Variants in CCDC8 observed in about 807,000 individuals in gnomAD.
The protein encoded by CCDC8 is coiled-coil domain-containing protein 8.
CCDC8 carries 6 observed loss-of-function variants against 5.2 expected under a neutral mutation model. The ratio of observed to expected loss-of-function variants is 1.16; its 90% CI spans 0.63 to 2.28. The LOEUF (loss-of-function observed/expected upper bound fraction) is 2.28. Ranked by LOEUF, CCDC8 falls within the 30% of genes most tolerant of loss-of-function variation. The pLI is 0.00. For missense variants in CCDC8, 724 were observed against 712.2 expected (o/e 1.02, Z -0.19); for synonymous variants, 310 against 286.5 (o/e 1.08, Z -0.83).
chr19:46,412,484 G>A lies in CCDC8; in HGVS notation c.327C>T (p.Asp109=), dbSNP rs1568589918. 10 of 1,609,090 alleles carry A rather than the reference G, an allele frequency of 6.2e-6. No homozygotes were observed. Among genetic ancestry groups the A allele is most frequent in the Non-Finnish European group, 6.8e-6 (8 of 1,179,978 alleles). The change falls in exon 1 of 1, where the codon GAC becomes GAT. Residue 109 remains aspartate (D), a synonymous_variant. Coordinates refer to ENST00000307522, the MANE Select transcript of CCDC8 (RefSeq NM_032040.5). This position sits in a 1 kb window ranked among gnomAD's most constrained non-coding sequence, Gnocchi z 4.7. The part of the protein sequence containing the change: ...SSNASDSEFS[D]FETSRDKSRQ... ...GGCTCTTGTCTCTGGAGGTCTCGAA[G>A]TCGCTGAACTCGCTGTCGCTGGCGT...
Position 46,412,596 on chromosome 19 carries a change from T to C in CCDC8, c.215A>G (p.Lys72Arg). 6.2e-7 allele frequency: 1 copy of C among 1,603,106 alleles called. No individual in the cohort carries two copies. Among genetic ancestry groups the C allele is most frequent in the South Asian group, 1.1e-5 (1 of 90,538 alleles). ...STPHPPQPPKKPKEPRVRRRV... is the reference protein window; with the variant it reads ...STPHPPQPPKRPKEPRVRRRV... ...CCTCCTCACTCGGGGCTCCTTGGGC[T>C]TTTTGGGGGGCTGGGGCGGGTGCGG... The change falls in exon 1 of 1, where the codon AAG becomes AGG. Residue 72 changes from lysine to arginine, a missense_variant. Lys to Arg is a conservative substitution (Grantham distance 26). Transcript: ENST00000307522. The surrounding 1 kb of genome is among the most constrained non-coding windows in gnomAD (Gnocchi z 4.7).
At position 46,412,701 on chromosome 19, in the gene CCDC8, A is replaced by C. The variant is rs1973250064; in HGVS notation, c.110T>G (p.Phe37Cys). The change falls in exon 1 of 1, where the codon TTT becomes TGT. Residue 37 changes from phenylalanine (F) to cysteine (C), a missense_variant. By Grantham distance (205) the Phe-to-Cys change is radical. Coordinates refer to ENST00000307522, the MANE Select transcript of CCDC8 (RefSeq NM_032040.5). The surrounding 1 kb of genome is among the most constrained non-coding windows in gnomAD (Gnocchi z 4.7). ...ISKPATKEAE[F>C]RERLTQFLEE... ...CAGGAACTGGGTCAGCCGCTCCCGA[A>C]ATTCTGCTTCCTTGGTGGCGGGCTT... 1 of 1,612,626 alleles carries C rather than the reference A, an allele frequency of 6.2e-7. No homozygotes were observed. Among genetic ancestry groups the C allele is most frequent in the South Asian group, 1.1e-5 (1 of 91,068 alleles).
Position 46,413,100 on chromosome 19 carries a change from G to A in CCDC8, c.-290C>T. The A allele has an allele frequency of 2.0e-6, 1 of 508,130 alleles. No homozygotes were observed. The highest frequency in any genetic ancestry group is 2.3e-5 in the South Asian group (1 of 43,028). 31.5% of individuals were successfully genotyped at this position (508,130 alleles called of 1,614,324 possible). A position where few individuals can be genotyped will look rare whatever the true frequency, so the allele number is the denominator to read the frequency against. ...GTCTTGAGGGAGGGACTGGATGGGG[G>A]GAGTTCCAGCAACGCTGACCGGAGA... On this transcript the variant is annotated 5_prime_UTR_variant, in exon 1 of 1. Coordinates refer to ENST00000307522, the MANE Select transcript of CCDC8 (RefSeq NM_032040.5).
chr19:46,411,891 GCC>G lies in CCDC8; in HGVS notation c.918_919del (p.Glu306AspfsTer4), dbSNP rs745644158. 5.0e-6 allele frequency: 8 copies of G among 1,613,762 alleles called. No individual in the cohort carries two copies. The South Asian group carries it at 8.8e-5, about 18-fold the overall frequency. On this transcript the variant is annotated frameshift_variant, in exon 1 of 1. Transcript: ENST00000307522. LOFTEE classifies it low-confidence loss of function (END_TRUNC). ...AGCCCCTTCCCGCTGGTCAGCTATG[GCC>G]TCTTCCCTTTGACTATCTGCAGCCT...
Position 46,412,129 on chromosome 19 carries a change from AG to A in CCDC8, c.681del (p.Ser228ProfsTer81). The A allele has an allele frequency of 1.3e-6, 2 of 1,598,540 alleles. No individual in the cohort carries two copies. The highest frequency in any genetic ancestry group is 8.5e-7 in the Non-Finnish European group (1 of 1,179,668). ...AGPGVGEARL[A>X]STAVESAGVS... is the part of the protein sequence containing the mutation. ...ACCCCTGCGCTCTCCACTGCGGTGG[AG>A]GCCAGCCGGGCCTCGCCCACCCCGG... On this transcript the variant is annotated frameshift_variant, in exon 1 of 1. Transcript: ENST00000307522. LOFTEE classifies it low-confidence loss of function (END_TRUNC). This position sits in a 1 kb window ranked among gnomAD's most constrained non-coding sequence, Gnocchi z 4.7.
chr19:46,410,993 G>A lies in CCDC8; in HGVS notation c.*201C>T. 1 of 630,136 alleles carries A rather than the reference G, an allele frequency of 1.6e-6. No homozygotes were observed. The highest frequency in any genetic ancestry group is 2.7e-6 in the Non-Finnish European group (1 of 370,476). The allele number at this position is 630,136 out of a possible 1,614,324, so 39.0% of individuals were successfully genotyped here. A position where few individuals can be genotyped will look rare whatever the true frequency, so the allele number is the denominator to read the frequency against. The stretch of plus-strand genomic sequence containing the variant: ...GTTATGATCATGCCACTGCACTCCA[G>A]CCTGGGCAACAGAGTGAGACCCTGT... On this transcript the variant is annotated 3_prime_UTR_variant, in exon 1 of 1. Transcript: ENST00000307522.
rs756376020 is a variant in CCDC8 at position 46,412,723 on chromosome 19, G to C, written c.88C>G (p.Pro30Ala). ...AGGVWRVISK[P>A]ATKEAEFRER... is the part of the protein sequence containing the mutation. ...CGAAATTCTGCTTCCTTGGTGGCGGGCTTAGAGATGACTCTCCAGACGCCC... is the reference window on the plus strand; with the variant it reads ...CGAAATTCTGCTTCCTTGGTGGCGGCCTTAGAGATGACTCTCCAGACGCCC... Residue 30 changes from proline (P) to alanine (A), a missense_variant, in exon 1 of 1, where the codon CCC becomes GCC. Coordinates refer to ENST00000307522, the MANE Select transcript of CCDC8 (RefSeq NM_032040.5). The surrounding 1 kb of genome is among the most constrained non-coding windows in gnomAD (Gnocchi z 4.7). 1 of 1,613,516 alleles carries C rather than the reference G, an allele frequency of 6.2e-7. No homozygotes were observed. The highest frequency in any genetic ancestry group is 8.5e-7 in the Non-Finnish European group (1 of 1,179,996).
chr19:46,412,341 A>T lies in CCDC8; in HGVS notation c.470T>A (p.Leu157His), dbSNP rs1973243831. Residue 157 changes from leucine to histidine, a missense_variant, in exon 1 of 1, where the codon CTC becomes CAC. Leu to His is a moderately conservative substitution (Grantham distance 99). Transcript: ENST00000307522. This position sits in a 1 kb window ranked among gnomAD's most constrained non-coding sequence, Gnocchi z 4.7. ...GCTGGGCTGCTTCTCCTGTCGCCGG[A>T]GGAAGGCCTCGACCAGTTCCTCATC... ...EDDEELVEAF[L>H]RRQEKQPSAP... 1 of 1,613,056 alleles carries T rather than the reference A, an allele frequency of 6.2e-7. No homozygotes were observed. Among genetic ancestry groups the T allele is most frequent in the Admixed American group, 1.7e-5 (1 of 60,002 alleles).
chr19:46,410,807 G>T lies in CCDC8; in HGVS notation c.*387C>A, dbSNP rs1415034516. 5.5e-6 allele frequency: 1 copy of T among 183,166 alleles called. No homozygotes were observed. Among genetic ancestry groups the T allele is most frequent in the African/African-American group, 2.4e-5 (1 of 41,962 alleles). 11.3% of individuals were successfully genotyped at this position (183,166 alleles called of 1,614,324 possible). On this transcript the variant is annotated 3_prime_UTR_variant, in exon 1 of 1. Coordinates refer to ENST00000307522, the MANE Select transcript of CCDC8 (RefSeq NM_032040.5). Reference sequence around the variant, plus strand: ...AAACTATAGGTGACGCAACCCCATTGTGTCGAATTCTTTCTTTACATTTTT... The same window carrying T: ...AAACTATAGGTGACGCAACCCCATTTTGTCGAATTCTTTCTTTACATTTTT...
rs1897897326 is a variant in CCDC8 at position 46,411,611 on chromosome 19, C to T, written c.1200G>A (p.Gly400=). The T allele has an allele frequency of 6.2e-7, 1 of 1,613,852 alleles. No homozygotes were observed. The highest frequency in any genetic ancestry group is 1.3e-5 in the African/African-American group (1 of 74,998). Residue 400 remains glycine (G), a synonymous_variant, in exon 1 of 1, where the codon GGG becomes GGA. Coordinates refer to ENST00000307522, the MANE Select transcript of CCDC8 (RefSeq NM_032040.5). ...CCCTTTGATTATCTGTAACCTCTGA[C>T]CCCTGGTCAGCTGGGGCCTCCGCCC... ...NQRAEAPADQ[G]SEVTDNQREE...
In CCDC8 at chr19:46,412,441, C is replaced by T; in HGVS notation, c.370G>A (p.Gly124Ser). ...RDKSRQGPRRGKKVRKMPVSY... is the reference protein window; with the variant it reads ...RDKSRQGPRRSKKVRKMPVSY... ...ACGGGCATTTTGCGCACCTTCTTGCCCCGCCGCGGGCCCTGGCGGCTCTTG... is the reference window on the plus strand; with the variant it reads ...ACGGGCATTTTGCGCACCTTCTTGCTCCGCCGCGGGCCCTGGCGGCTCTTG... Residue 124 changes from glycine (G) to serine (S), a missense_variant, in exon 1 of 1, where the codon GGC (glycine) becomes AGC (serine). Gly to Ser is a moderately conservative substitution (Grantham distance 56). Coordinates refer to ENST00000307522, the MANE Select transcript of CCDC8 (RefSeq NM_032040.5). This position sits in a 1 kb window ranked among gnomAD's most constrained non-coding sequence, Gnocchi z 4.7. 4 of 1,612,200 alleles carry T rather than the reference C, an allele frequency of 2.5e-6. No homozygotes were observed. Among genetic ancestry groups the T allele is most frequent in the African/African-American group, 2.7e-5 (2 of 75,020 alleles).
Position 46,411,597 on chromosome 19 carries a change from T to A in CCDC8, c.1214A>T (p.Asp405Val). 1 of 1,613,668 alleles carries A rather than the reference T, an allele frequency of 6.2e-7. No individual in the cohort carries two copies. The highest frequency in any genetic ancestry group is 8.5e-7 in the Non-Finnish European group (1 of 1,179,956). ...APADQGSEVTDNQREEAVHDQ... is the reference protein window; with the variant it reads ...APADQGSEVTVNQREEAVHDQ... ...ATGTACGGCCTCTTCCCTTTGATTA[T>A]CTGTAACCTCTGACCCCTGGTCAGC... is the stretch of plus-strand genomic sequence containing the variant. Residue 405 changes from aspartate to valine, a missense_variant, in exon 1 of 1, where the codon GAT becomes GTT. Physicochemically the swap from Asp to Val is radical, Grantham distance 152 (BLOSUM62 -3). Coordinates refer to ENST00000307522, the MANE Select transcript of CCDC8 (RefSeq NM_032040.5).
At position 46,412,182 on chromosome 19, in the gene CCDC8, AC is replaced by A; in HGVS notation, c.628del (p.Val210Ter). ...GCCCGCCCTCGGCGCCCAACCCTTCACCCTCCGCTTCAGCTTCCCCCAGGAC... is the reference window on the plus strand; with the variant it reads ...GCCCGCCCTCGGCGCCCAACCCTTCACCTCCGCTTCAGCTTCCCCCAGGAC... ...QVSWGKLKRR[V>X]KGWAPRAGPG... On this transcript the variant is annotated frameshift_variant, in exon 1 of 1. Transcript: ENST00000307522. LOFTEE classifies it low-confidence loss of function (END_TRUNC). This position sits in a 1 kb window ranked among gnomAD's most constrained non-coding sequence, Gnocchi z 4.7. 1 of 1,596,464 alleles carries A rather than the reference AC, an allele frequency of 6.3e-7. No individual in the cohort carries two copies. The highest frequency in any genetic ancestry group is 1.3e-5 in the African/African-American group (1 of 74,386).
At position 46,411,925 on chromosome 19, in the gene CCDC8, C is replaced by G. The variant is rs11880658; in HGVS notation, c.886G>C (p.Gly296Arg). ...GQGADIEADQGGEAADSQREE... is the reference protein window; with the variant it reads ...GQGADIEADQRGEAADSQREE... The stretch of plus-strand genomic sequence containing the variant: ...CTTTGACTATCTGCAGCCTCTCCCC[C>G]CTGATCAGCCTCGATGTCTGCCCCC... The change falls in exon 1 of 1, where the codon GGG becomes CGG. Residue 296 changes from glycine to arginine, a missense_variant. Transcript: ENST00000307522. 62 of 1,612,028 alleles carry G rather than the reference C, an allele frequency of 3.8e-5. No individual in the cohort carries two copies. The highest frequency in any genetic ancestry group is 1.2e-4 in the Admixed American group (7 of 59,910).
chr19:46,411,813 T>C lies in CCDC8; in HGVS notation c.998A>G (p.Asp333Gly). ...APADQGAEAADNQREEAADNQ... is the reference protein window; with the variant it reads ...APADQGAEAAGNQREEAADNQ... ...ATCTGCAGCCTCTTCCCTCTGATTA[T>C]CTGCAGCCTCTGCCCCCTGGTCAGC... Residue 333 changes from aspartate (D) to glycine (G), a missense_variant, in exon 1 of 1, where the codon GAT becomes GGT. Physicochemically the swap from Asp to Gly is moderately conservative, Grantham distance 94. Coordinates refer to ENST00000307522, the MANE Select transcript of CCDC8 (RefSeq NM_032040.5). 6.2e-7 allele frequency: 1 copy of C among 1,608,112 alleles called. No homozygotes were observed. Among genetic ancestry groups the C allele is most frequent in the Non-Finnish European group, 8.5e-7 (1 of 1,175,936 alleles).
At position 46,411,213 on chromosome 19, in the gene CCDC8, T is replaced by C. The variant is rs1055948656; in HGVS notation, c.1598A>G (p.Glu533Gly). The C allele has an allele frequency of 1.2e-6, 2 of 1,613,980 alleles. No homozygotes were observed. Among genetic ancestry groups the C allele is most frequent in the African/African-American group, 2.7e-5 (2 of 74,906 alleles). ...CTCACCTCACAGCTGGTCTTCTTGC[T>C]CTCCCTGCTCAGCTTCTGCTCTGGC... The part of the protein sequence containing the change: ...AEARAEAEQG[E>G]QEDQL Residue 533 changes from glutamate to glycine, a missense_variant, in exon 1 of 1, where the codon GAG becomes GGG. By Grantham distance (98) the Glu-to-Gly change is moderately conservative. Transcript: ENST00000307522.
At position 46,411,664 on chromosome 19, in the gene CCDC8, G is replaced by A. The variant is rs34186470; in HGVS notation, c.1147C>T (p.His383Tyr). 252,637 of 1,603,074 alleles carry A rather than the reference G, an allele frequency of 0.16. 23,209 individuals carry two copies. Among genetic ancestry groups the A allele is most frequent in the East Asian group, 0.39 (17,436 of 44,246 alleles). ...ADQRSQGTDN[H>Y]REEAADNQRA... ...TGATTATCTGCAGCCTCTTCCCTGT[G>A]GTTATCTGTGCCCTGTGACCTCTGG... Residue 383 changes from histidine to tyrosine, a missense_variant, in exon 1 of 1, where the codon CAC becomes TAC. By Grantham distance (83) the His-to-Tyr change is moderately conservative. Coordinates refer to ENST00000307522, the MANE Select transcript of CCDC8 (RefSeq NM_032040.5).
chr19:46,411,945 G>GC lies in CCDC8; in HGVS notation c.865dup (p.Ala289GlyfsTer6). 6.2e-7 allele frequency: 1 copy of GC among 1,610,608 alleles called. No homozygotes were observed. On this transcript the variant is annotated frameshift_variant, in exon 1 of 1. Transcript: ENST00000307522. LOFTEE classifies it low-confidence loss of function (END_TRUNC). ...TCCCCCCTGATCAGCCTCGATGTCTGCCCCCTGACCTGTGGGTGCTGTCTG... is the reference window on the plus strand; with the variant it reads ...TCCCCCCTGATCAGCCTCGATGTCTGCCCCCCTGACCTGTGGGTGCTGTCTG...
rs755751063 is a variant in CCDC8 at position 46,412,505 on chromosome 19, G to A, written c.306C>T (p.Ala102=). 1 of 1,608,132 alleles carries A rather than the reference G, an allele frequency of 6.2e-7. No individual in the cohort carries two copies. The highest frequency in any genetic ancestry group is 1.1e-5 in the South Asian group (1 of 91,060). Residue 102 remains alanine, a synonymous_variant, in exon 1 of 1, where the codon GCC becomes GCT. Transcript: ENST00000307522. The surrounding 1 kb of genome is among the most constrained non-coding windows in gnomAD (Gnocchi z 4.7). ...CGAAGTCGCTGAACTCGCTGTCGCT[G>A]GCGTTGCTGCTGTCGTACGTGCCCA... is the stretch of plus-strand genomic sequence containing the variant. ...LVVGTYDSSN[A]SDSEFSDFET...
Sources: allele counts gnomAD v4.1 joint callset, GRCh38; gene constraint gnomAD v4.1.1; non-coding constraint Gnocchi (gnomAD v3.1); transcripts MANE v1.5; gene names NCBI Gene and HGNC (gene_info 2026-07-23, HGNC 2026-07-21).